FILIP1: variants seen among roughly 807,000 people sequenced by gnomAD.
The protein encoded by FILIP1 is filamin-A-interacting protein 1.
FILIP1 carries 61 observed loss-of-function variants against 102.1 expected under a neutral mutation model. The observed-to-expected ratio is 0.60, with a 90% CI of 0.49 to 0.74. The LOEUF is 0.74. FILIP1 is among the 30% of genes least tolerant of loss of function. The pLI is 0.00. For synonymous variants in FILIP1, 491 were observed against 526.9 expected (o/e 0.93, Z 0.93); for missense variants, 1,314 against 1,441.2 (o/e 0.91, Z 1.43).
chr6:75,357,501 C>T (rs891475949), intron 3 of FILIP1: 6 of 152,198 alleles, frequency 3.9e-5, no homozygotes, highest in African/African-American at 1.4e-4. Context: ...GTTCACCTCA[C>T]CAACACTAGC....
chr6:75,346,178 T>A (rs954159155), intron 4 of FILIP1, among the ~76,000 whole-genome samples: 2 of 152,116 alleles, frequency 1.3e-5, no homozygotes, highest in Non-Finnish European at 2.9e-5. Flanking sequence ...TTAACTGGAT[T>A]TTGTGGTGTA....
chr6:75,319,986 G>A, intron 4 of FILIP1: 3 of 350,982 alleles, frequency 8.5e-6, no homozygotes, highest in Non-Finnish European at 1.6e-5. Context: ...CCCATGTTTA[G>A]TTATTTTTCT....
intron 5 of FILIP1, 24 bp from the exon 6 acceptor site, chr6:75,308,921 T>C (rs1405497293): frequency 5.0e-6 from 8 of 1,611,012 alleles, no homozygotes; most frequent in African/African-American, 2.7e-5. Flanking sequence ...AATACGTAGA[T>C]ACAAGGGAGA....
At chr6:75,492,197 G>A (rs1331709393) in intron 1 of FILIP1, among the ~76,000 whole-genome samples, 1 of 152,146 alleles carries the variant, frequency 6.6e-6, no homozygotes, top group Non-Finnish European at 1.5e-5. Context: ...ATACTGAAAT[G>A]AGTGCCCTAT....
Position 75,449,282 on chromosome 6 carries a change from C to T in FILIP1, c.-6-34304G>A, listed in dbSNP as rs9352209. Among the ~76,000 whole-genome samples, 166 of 151,998 alleles carry T rather than the reference C, an allele frequency of 1.1e-3. 2 individuals are homozygous for T. In the East Asian group the frequency reaches 0.016, roughly 15 times the overall value. On this transcript the variant is annotated intron_variant, in intron 1 of 5. Coordinates refer to ENST00000237172, the MANE Select transcript of FILIP1 (RefSeq NM_015687.5). ...ATAAGTGGGAGATAAGCTATGAAGA[C>T]GCAAAGGCATAAGAATGATACAATG...
chr6:75,346,312 T>C (rs918291748), intron 4 of FILIP1, among the ~76,000 whole-genome samples: 1 of 152,232 alleles, frequency 6.6e-6, no homozygotes, highest in Admixed American at 6.5e-5. Context: ...ATAACCCATT[T>C]TCCTAGGCAT....
chr6:75,473,670 A>G (rs1393273331), intron 1 of FILIP1: 1 of 152,244 alleles, frequency 6.6e-6, no homozygotes, highest in Non-Finnish European at 1.5e-5. Flanking sequence ...ATTTAAAAAC[A>G]TAAAGACACA....
intron 2 of FILIP1, among the ~76,000 whole-genome samples, chr6:75,387,072 T>A (rs1045027099): frequency 1.8e-4 from 28 of 152,118 alleles, no homozygotes; most frequent in African/African-American, 6.5e-4. Context: ...CCTGTGCCCA[T>A]ATGTTCTCAT....
At chr6:75,426,687 A>T (rs901715953) in intron 1 of FILIP1, among the ~76,000 whole-genome samples, 6 of 152,042 alleles carry the variant, frequency 3.9e-5, no homozygotes, top group Non-Finnish European at 8.8e-5. Flanking sequence ...GTGGGATTCC[A>T]AGACAGCAGT....
chr6:75,456,308 C>T (rs1427343611), intron 1 of FILIP1, among the ~76,000 whole-genome samples: 2 of 152,104 alleles, frequency 1.3e-5, no homozygotes, highest in Non-Finnish European at 2.9e-5. Context: ...GCCCAAAATG[C>T]CAATAATGCT....
At chr6:75,360,932 CT>C (rs1775155343) in intron 3 of FILIP1, 1 of 152,176 alleles carries the variant, frequency 6.6e-6, no homozygotes. Context: ...AAGAACTTGA[CT>C]GTTAATTTAA....
chr6:75,398,940 T>G (rs1776557566), intron 2 of FILIP1: 1 of 152,158 alleles, frequency 6.6e-6, no homozygotes, highest in Non-Finnish European at 1.5e-5. Flanking sequence ...GTGGTTACAA[T>G]GAAGCAACTG....
rs556940019 is a variant in FILIP1, at chr6:75,359,081, C to A, written c.450+3663G>T. The stretch of plus-strand genomic sequence containing the variant: ...GCAGTGGCGCCATCTTGGCTCACTG[C>A]AACTGCCGAGGCCTCCCAGGTTCAA... On this transcript the variant is annotated intron_variant, in intron 3 of 5. Coordinates refer to ENST00000237172, the MANE Select transcript of FILIP1 (RefSeq NM_015687.5). 6.6e-5 allele frequency among the ~76,000 whole-genome samples: 10 copies of A among 152,154 alleles called. No homozygotes were observed. The South Asian group carries it at 1.9e-3, about 28-fold the overall frequency.
intron 4 of FILIP1, among the ~76,000 whole-genome samples, chr6:75,317,910 T>TC (rs1241366887): frequency 6.6e-6 from 1 of 152,170 alleles, no homozygotes; most frequent in Admixed American, 6.5e-5. Flanking sequence ...GCCAATGCCT[T>TC]CTGCACAAAT....
intron 6 of FILIP1, among the ~76,000 whole-genome samples, chr6:75,298,461 G>A (rs745868923): frequency 4.6e-5 from 7 of 152,134 alleles, no homozygotes; most frequent in Non-Finnish European, 1.0e-4. Context: ...TCTAGAGATA[G>A]TGAGATAAAA....
downstream of FILIP1, among the ~76,000 whole-genome samples, chr6:75,305,812 T>TGGCCCACCC (rs1469075760): frequency 6.6e-6 from 1 of 152,066 alleles, no homozygotes; most frequent in Admixed American, 6.6e-5. Context: ...TCTGTGGAAA[T>TGGCCCACCC]GGCCCACCCT....
At chr6:75,375,382 C>T (rs73457743) in intron 2 of FILIP1, among the ~76,000 whole-genome samples, 1,701 of 152,276 alleles carry the variant, frequency 0.011, 38 homozygotes, top group African/African-American at 0.039. Flanking sequence ...GTCTTTGGGG[C>T]ACACACAACT....
intron 2 of FILIP1, among the ~76,000 whole-genome samples, chr6:75,399,885 A>T (rs1398511654): frequency 6.6e-6 from 1 of 152,176 alleles, no homozygotes; most frequent in Non-Finnish European, 1.5e-5. Context: ...TAACCTGAAG[A>T]GTATAATGCA....
At chr6:75,379,232 TG>T (rs1447514464) in intron 2 of FILIP1, among the ~76,000 whole-genome samples, 1 of 152,222 alleles carries the variant, frequency 6.6e-6, no homozygotes, top group African/African-American at 2.4e-5. Context: ...GAACCCAAGT[TG>T]TTTTTTTATT....
Sources: gnomAD v4.1 joint callset for allele counts (sites outside exome capture counted in the v4.1 genomes callset) on GRCh38, gnomAD v4.1.1 for gene constraint, MANE v1.5 for transcripts, NCBI Gene and HGNC (gene_info 2026-07-23, HGNC 2026-07-21) for gene names.